PRKCH: variants seen among roughly 807,000 people sequenced by gnomAD.
PRKCH encodes protein kinase C eta.
In PRKCH, 28 loss-of-function variants were observed where a neutral mutation model predicts 82.5. The observed-to-expected ratio is 0.34, with a 90% confidence interval of 0.25 to 0.47. PRKCH has a LOEUF of 0.47. PRKCH is among the 20% of genes least tolerant of loss of function. The probability of loss-of-function intolerance (pLI) is 1.00; values close to 1 mark genes in which losing one functional copy is unlikely to be tolerated. For missense variants in PRKCH, 705 were observed against 881.8 expected, an observed-to-expected ratio of 0.80 and a Z score of 2.54; for synonymous variants, 322 against 327.4, an observed-to-expected ratio of 0.98 and a Z score of 0.18.
chr14:61,446,833 T>C lies in PRKCH; in HGVS notation c.613+1107T>C, dbSNP rs577150966. 2.0e-5 allele frequency among the ~76,000 whole-genome samples: 3 copies of C among 152,386 alleles called. 1 individual carries two copies. The South Asian group carries it at 6.2e-4, about 32-fold the overall frequency. On this transcript the variant is annotated intron_variant, in intron 4 of 13. Coordinates refer to ENST00000332981, the MANE Select transcript of PRKCH (RefSeq NM_006255.5). ...CACACCAAGATAAGTTGAGAAGCTC[T>C]GGATAAACAAGATTATGGTTTTGAG...
At chr14:61,219,921 A>T (rs2044641826) in intron 1 of PRKCH, among the ~76,000 whole-genome samples, 1 of 152,236 alleles carries the variant, frequency 6.6e-6, no homozygotes, top group African/African-American at 2.4e-5. Context: ...TGCAATGCTC[A>T]GATGAATTTA....
chr14:61,488,151 CAA>C (rs33973552), intron 10 of PRKCH, among the ~76,000 whole-genome samples: 6,094 of 140,694 alleles, frequency 0.043, 282 homozygotes, highest in East Asian at 0.24. Context: ...GACTCCGTCT[CAA>C]AAAAAAAAAA....
rs1589979 is a variant in PRKCH at position 61,535,582 on chromosome 14, C to T, written c.1761+4987C>T. 7.2e-3 allele frequency among the ~76,000 whole-genome samples: 1,099 copies of T among 152,268 alleles called. 47 individuals are homozygous for T. The East Asian group carries it at 0.095, about 13-fold the overall frequency. ...CAAAGGGGTGGGGCAGTGAGAGCTT[C>T]AGGTGAGGAGGCTGAGGGAACAGTG... On this transcript the variant is annotated intron_variant, in intron 12 of 13. Coordinates refer to ENST00000332981, the MANE Select transcript of PRKCH (RefSeq NM_006255.5).
intron 12 of PRKCH, among the ~76,000 whole-genome samples, chr14:61,533,103 G>C (rs966344785): frequency 2.6e-5 from 4 of 152,178 alleles, no homozygotes; most frequent in Admixed American, 1.3e-4. Context: ...GTGCCTCTCT[G>C]AATCTCAGTG....
chr14:61,301,895 C>A (rs1186643494), intron 1 of PRKCH, among the ~76,000 whole-genome samples: 1 of 152,126 alleles, frequency 6.6e-6, no homozygotes, highest in African/African-American at 2.4e-5. Flanking sequence ...AAATGATACA[C>A]CCTTGTAACT....
At chr14:61,369,538 T>C (rs1429968647) in intron 1 of PRKCH, among the ~76,000 whole-genome samples, 1 of 152,138 alleles carries the variant, frequency 6.6e-6, no homozygotes, top group Non-Finnish European at 1.5e-5. Flanking sequence ...CATCTTAACT[T>C]TTCCCAGCCT....
chr14:61,483,964 C>T (rs946003192), intron 9 of PRKCH, among the ~76,000 whole-genome samples: 3 of 152,172 alleles, frequency 2.0e-5, no homozygotes, highest in African/African-American at 7.2e-5. Context: ...TTGCTTGAGC[C>T]CTGGAGGTCA....
chr14:61,205,979 C>T (rs1385354241), intron 1 of PRKCH, among the ~76,000 whole-genome samples: 1 of 152,166 alleles, frequency 6.6e-6, no homozygotes, highest in Non-Finnish European at 1.5e-5. Context: ...CTTCAGCCAG[C>T]ACTTTTCTCA....
chr14:61,216,802 G>A (rs1219362583), intron 1 of PRKCH, among the ~76,000 whole-genome samples: 1 of 152,030 alleles, frequency 6.6e-6, no homozygotes, highest in Non-Finnish European at 1.5e-5. Context: ...CAAAAGTAAG[G>A]TAATTTTTAA....
chr14:61,450,864 T>C lies in PRKCH; in HGVS notation c.725T>C (p.Ile242Thr), dbSNP rs1940819078. 6.2e-7 allele frequency: 1 copy of C among 1,613,920 alleles called. No individual in the cohort carries two copies. ...DSKIAEQRFG[I>T]NIPHKFSIHN... ...CAGATTGCAGAACAGAGGTTCGGGATCAACATCCCACACAAGTTCAGCATC... is the reference window on the plus strand; with the variant it reads ...CAGATTGCAGAACAGAGGTTCGGGACCAACATCCCACACAAGTTCAGCATC... Residue 242 changes from isoleucine (I) to threonine (T), a missense_variant, in exon 6 of 14, where the codon ATC becomes ACC. Transcript: ENST00000332981.
chr14:61,337,904 A>T (rs949901762), intron 1 of PRKCH, among the ~76,000 whole-genome samples: 3 of 152,186 alleles, frequency 2.0e-5, no homozygotes, highest in Admixed American at 6.5e-5. Context: ...TTTGCACTTG[A>T]TGTTTAGCGT....
chr14:61,505,395 CTTTTTTTTTTTTTT>C (rs60304150), intron 10 of PRKCH, among the ~76,000 whole-genome samples: 2 of 55,738 alleles, frequency 3.6e-5, no homozygotes, highest in Non-Finnish European at 6.4e-5. Context: ...CTTTTCTTTT[CTTTTTTTTTTTTTT>C]TTTTTTTTTT....
At position 61,485,610 on chromosome 14, in the gene PRKCH, A is replaced by G; in HGVS notation, c.1387A>G (p.Ile463Val). The change falls in exon 10 of 14, where the codon ATC (isoleucine) becomes GTC (valine). Residue 463 changes from isoleucine (I) to valine (V), a missense_variant. Transcript: ENST00000332981. ...ACGAGCTCGCTTCTATGCTGCAGAAATCATTTCGGCTCTCATGTTCCTCCA... is the reference window on the plus strand; with the variant it reads ...ACGAGCTCGCTTCTATGCTGCAGAAGTCATTTCGGCTCTCATGTTCCTCCA... ...EARARFYAAE[I>V]ISALMFLHDK... 6.2e-7 allele frequency: 1 copy of G among 1,614,158 alleles called. No homozygotes were observed. Among genetic ancestry groups the G allele is most frequent in the African/African-American group, 1.3e-5 (1 of 75,028 alleles).
chr14:61,541,143 G>T (rs765773037), intron 12 of PRKCH, among the ~76,000 whole-genome samples: 2 of 152,274 alleles, frequency 1.3e-5, no homozygotes, highest in Non-Finnish European at 2.9e-5. Context: ...GCTGGAGGGT[G>T]CTGCTAGCAC....
chr14:61,401,801 T>C (rs1477588951), intron 2 of PRKCH, among the ~76,000 whole-genome samples: 1 of 152,252 alleles, frequency 6.6e-6, no homozygotes, highest in Non-Finnish European at 1.5e-5. Flanking sequence ...GAAATACTGT[T>C]GTGTCTCAAG....
In PRKCH at chr14:61,270,224, T is replaced by C. The variant is rs188816382; in HGVS notation, c.-19+82556T>C. On this transcript the variant is annotated intron_variant, in intron 1 of 3. Coordinates refer to the PRKCH transcript ENST00000555185. ...GGCTCACACCTGTAATCCCAGCACT[T>C]AGGGAGGCCAAGGCAGGAGGATCAC... Among the ~76,000 whole-genome samples the C allele has an allele frequency of 3.7e-3, 558 of 152,198 alleles. 1 individual carries two copies. Among genetic ancestry groups the C allele is most frequent in the Middle Eastern group, 0.014 (4 of 294 alleles).
At chr14:61,509,071 C>T (rs1465000857) in intron 10 of PRKCH, among the ~76,000 whole-genome samples, 4 of 152,062 alleles carry the variant, frequency 2.6e-5, no homozygotes, top group African/African-American at 7.3e-5. Context: ...CTGAGCCAGT[C>T]CAGGGTCTGG....
chr14:61,490,556 TG>T (rs1886409885), intron 10 of PRKCH, among the ~76,000 whole-genome samples: 1 of 152,162 alleles, frequency 6.6e-6, no homozygotes, highest in Admixed American at 6.5e-5. Flanking sequence ...GCTTGGCAAG[TG>T]GTCTCCTCTG....
At chr14:61,262,852 T>C (rs191589452) in intron 1 of PRKCH, among the ~76,000 whole-genome samples, 1 of 152,284 alleles carries the variant, frequency 6.6e-6, no homozygotes, top group East Asian at 1.9e-4. Context: ...CATATGAATG[T>C]ATGTAGAAAT....
Sources: allele counts gnomAD v4.1 joint callset (sites outside exome capture counted in the v4.1 genomes callset), GRCh38; gene constraint gnomAD v4.1.1; transcripts MANE v1.5; gene names NCBI Gene and HGNC (gene_info 2026-07-23, HGNC 2026-07-21).